Variants in CFAP47 observed in about 807,000 individuals in gnomAD.
CFAP47 encodes the protein cilia- and flagella-associated protein 47.
CFAP47 carries 29 observed loss-of-function variants against 148.1 expected under a neutral mutation model. The observed-to-expected ratio is 0.20, with a 90% CI of 0.15 to 0.27. The LOEUF (loss-of-function observed/expected upper bound fraction) is 0.27, where lower values mean the gene tolerates loss of function less well. Ranked by LOEUF, CFAP47 falls within the 10% of genes least tolerant of loss-of-function variation. The probability of loss-of-function intolerance (pLI) is 1.00; values close to 1 mark genes in which losing one functional copy is unlikely to be tolerated. For synonymous variants in CFAP47, 664 were observed against 577.3 expected (o/e 1.15, Z -2.15); for missense variants, 1,872 against 1,697.5 (o/e 1.10, Z -1.81).
At chrX:35,920,691 A>G (rs1935564325) in intron 1 of CFAP47, among the ~76,000 whole-genome samples, 3 of 111,493 alleles carry the variant, frequency 2.7e-5, no homozygotes, top group Non-Finnish European at 5.6e-5. Context: ...ATTTTACATC[A>G]TGTGTGTGAA....
At chrX:36,334,277 G>A (rs1364728931) in intron 57 of CFAP47, among the ~76,000 whole-genome samples, 1 of 111,100 alleles carries the variant, frequency 9.0e-6, no homozygotes, top group African/African-American at 3.3e-5. Context: ...TGAAACAGAC[G>A]ACTACTTGCC....
intron 45 of CFAP47, among the ~76,000 whole-genome samples, chrX:36,225,121 T>G (rs1240822111): frequency 9.0e-6 from 1 of 111,435 alleles, no homozygotes; most frequent in Non-Finnish European, 1.9e-5. Context: ...GCCACACTTG[T>G]AAAGAAAAGA....
At chrX:36,143,449 G>A (rs1000642016) in intron 35 of CFAP47, among the ~76,000 whole-genome samples, 2 of 111,526 alleles carry the variant, frequency 1.8e-5, no homozygotes, top group African/African-American at 3.3e-5. Flanking sequence ...TTTCTAGGCC[G>A]GGCTCAGATC....
At chrX:36,048,407 G>T (rs775734305) in intron 26 of CFAP47, among the ~76,000 whole-genome samples, 1 of 110,982 alleles carries the variant, frequency 9.0e-6, no homozygotes, top group Non-Finnish European at 1.9e-5. Flanking sequence ...AAGCCCATGG[G>T]CCTAATTAAA....
chrX:36,122,616 G>C (rs1938765650), intron 33 of CFAP47, among the ~76,000 whole-genome samples: 1 of 111,384 alleles, frequency 9.0e-6, no homozygotes, highest in African/African-American at 3.3e-5. Context: ...TATGCCAACT[G>C]TATGTTTCAG....
intron 15 of CFAP47, among the ~76,000 whole-genome samples, chrX:35,984,748 A>G (rs1936692348): frequency 8.9e-6 from 1 of 111,939 alleles, no homozygotes. Flanking sequence ...CCATTTAATT[A>G]TATGGTTTTG....
intron 30 of CFAP47, among the ~76,000 whole-genome samples, chrX:36,091,142 A>G (rs1221653568): frequency 9.0e-6 from 1 of 111,525 alleles, no homozygotes; most frequent in East Asian, 2.8e-4. Flanking sequence ...ACAAGTCTTC[A>G]TAACAGTCTC....
At chrX:36,128,640 C>T (rs1938889381) in intron 33 of CFAP47, among the ~76,000 whole-genome samples, 1 of 110,166 alleles carries the variant, frequency 9.1e-6, no homozygotes, top group Non-Finnish European at 1.9e-5. Context: ...TAATTATTAA[C>T]TATGGTATTT....
At chrX:36,011,851 T>C (rs1601930289) in intron 21 of CFAP47, among the ~76,000 whole-genome samples, 1 of 112,235 alleles carries the variant, frequency 8.9e-6, no homozygotes, top group Admixed American at 9.5e-5. Flanking sequence ...AGCTCTCTAA[T>C]TTAATTAGAT....
chrX:36,104,675 G>T lies in CFAP47; in HGVS notation c.5304G>T (p.Trp1768Cys). The change falls in exon 33 of 64, where the codon TGG becomes TGT. Residue 1768 changes from tryptophan to cysteine, a missense_variant. Transcript: ENST00000378653. ...ATGAGAATACTCGACATGTGATATGGAAAAACTGTCACAAAGGTGAGAAGT... is the reference window on the plus strand; with the variant it reads ...ATGAGAATACTCGACATGTGATATGTAAAAACTGTCACAAAGGTGAGAAGT... ...INYENTRHVI[W>C]KNCHKDVIPS... 1 of 847,494 alleles carries T rather than the reference G, an allele frequency of 1.2e-6. No individual in the cohort carries two copies. Among genetic ancestry groups the T allele is most frequent in the South Asian group, 2.6e-5 (1 of 38,026 alleles). The allele number at this position is 847,494 out of a possible 1,213,427, so 69.8% of individuals were successfully genotyped here. A position where few individuals can be genotyped will look rare whatever the true frequency, so the allele number is the denominator to read the frequency against.
intron 42 of CFAP47, among the ~76,000 whole-genome samples, chrX:36,199,843 G>C (rs781788467): frequency 3.6e-5 from 4 of 110,940 alleles, no homozygotes; most frequent in Non-Finnish European, 5.7e-5. Flanking sequence ...TGCCTCTCTG[G>C]GACGGATAAT....
intron 4 of CFAP47, among the ~76,000 whole-genome samples, 193 bp downstream of exon 4, chrX:35,948,645 A>T (rs1936119138): frequency 1.8e-5 from 2 of 111,917 alleles, no homozygotes; most frequent in Admixed American, 1.9e-4. Context: ...ATATGGGTAC[A>T]CATAACAGGA....
chrX:36,260,637 C>CAAATA (rs1453164092), intron 49 of CFAP47, among the ~76,000 whole-genome samples: 1 of 111,888 alleles, frequency 8.9e-6, no homozygotes, highest in Non-Finnish European at 1.9e-5. Context: ...TGAATGCGTA[C>CAAATA]TTTGCAAATA....
chrX:36,350,233 A>T, intron 59 of CFAP47, 101 bp downstream of exon 59: 1 of 504,258 alleles, frequency 2.0e-6, no homozygotes, highest in Non-Finnish European at 3.4e-6. Context: ...AGTAGGTAGT[A>T]ATGTGAACAG....
chrX:35,988,977 T>G, intron 15 of CFAP47, among the ~76,000 whole-genome samples: 1 of 112,184 alleles, frequency 8.9e-6, no homozygotes, highest in Non-Finnish European at 1.9e-5. Context: ...GAACCACAAA[T>G]GATTTTCTAC....
intron 26 of CFAP47, among the ~76,000 whole-genome samples, chrX:36,050,233 G>A (rs753592084): frequency 1.8e-5 from 2 of 111,556 alleles, no homozygotes; most frequent in Admixed American, 9.6e-5. Flanking sequence ...CTGGGTAACA[G>A]GCAGAGGTTG....
intron 51 of CFAP47, among the ~76,000 whole-genome samples, chrX:36,289,801 C>T (rs782076058): frequency 8.9e-6 from 1 of 112,061 alleles, no homozygotes; most frequent in South Asian, 3.7e-4. Flanking sequence ...ATGTCTGTGG[C>T]TTTAAAGATC....
At chrX:36,004,397 A>G (rs1334317149) in intron 21 of CFAP47, among the ~76,000 whole-genome samples, 1 of 111,353 alleles carries the variant, frequency 9.0e-6, no homozygotes, top group Non-Finnish European at 1.9e-5. Flanking sequence ...CCAGGGAGGT[A>G]TATTTCTTCC....
intron 8 of CFAP47, among the ~76,000 whole-genome samples, chrX:35,965,120 CTTTTTTGTTGT>C (rs971201888): frequency 1.7e-4 from 19 of 110,815 alleles, no homozygotes; most frequent in African/African-American, 6.2e-4. Context: ...TTTATTGTTG[CTTTTTTGTTGT>C]TGTTTTGTTT....
Sources: allele counts gnomAD v4.1 joint callset (sites outside exome capture counted in the v4.1 genomes callset), GRCh38; gene constraint gnomAD v4.1.1; transcripts MANE v1.5; gene names NCBI Gene and HGNC (gene_info 2026-07-23, HGNC 2026-07-21).